The following MAP3K15 variants were observed in gnomAD, a reference collection of about 807,000 sequenced individuals.
The protein encoded by MAP3K15 is MAPK/ERK kinase kinase 15.
Under a neutral mutation model 99.5 loss-of-function variants are expected in MAP3K15, and 124 were observed. That is an observed-to-expected ratio of 1.25 (90% CI 1.08 to 1.45). The LOEUF (loss-of-function observed/expected upper bound fraction) is 1.45. Ranked by LOEUF, MAP3K15 falls within the 40% of genes most tolerant of loss-of-function variation. MAP3K15 has a pLI of 0.00. For synonymous variants in MAP3K15, 494 were observed against 439.6 expected, an observed-to-expected ratio of 1.12 and a Z score of -1.55; for missense variants, 1,242 against 1,079.7, an observed-to-expected ratio of 1.15 and a Z score of -2.11.
intron 25 of MAP3K15, among the ~76,000 whole-genome samples, chrX:19,368,278 G>A (rs773788440): frequency 8.9e-6 from 1 of 111,803 alleles, no homozygotes; most frequent in African/African-American, 3.2e-5. Flanking sequence ...AAGCAGCTAA[G>A]ATTACAGGCG....
chrX:19,429,179 A>G (rs2063858382), intron 7 of MAP3K15, among the ~76,000 whole-genome samples: 1 of 110,718 alleles, frequency 9.0e-6, no homozygotes, highest in African/African-American at 3.3e-5. Context: ...GAGAGTCTGA[A>G]TTTTTATATA....
chrX:19,366,048 T>C (rs1224978145), intron 25 of MAP3K15, among the ~76,000 whole-genome samples: 2 of 106,727 alleles, frequency 1.9e-5, no homozygotes, highest in Non-Finnish European at 3.9e-5. Flanking sequence ...AGGTAATTAT[T>C]GAAGTTGCCA....
intron 7 of MAP3K15, among the ~76,000 whole-genome samples, chrX:19,427,904 T>G (rs1424430968): frequency 2.7e-5 from 3 of 110,881 alleles, no homozygotes; most frequent in Non-Finnish European, 5.7e-5. Context: ...CCTACCTTAG[T>G]CAACAAAATT....
Position 19,442,870 on chromosome X carries a change from G to A in MAP3K15, c.996-11262C>T, listed in dbSNP as rs181654059. Among the ~76,000 whole-genome samples the A allele has an allele frequency of 4.1e-3, 426 of 104,783 alleles. 4 individuals carry two copies. Among genetic ancestry groups the A allele is most frequent in the Middle Eastern group, 9.6e-3 (2 of 208 alleles). 91.0% of individuals were successfully genotyped at this position (104,783 alleles called of 115,157 possible). A position where few individuals can be genotyped will look rare whatever the true frequency, so the allele number is the denominator to read the frequency against. ...CCCGAGTACCTGGGATTACAGGTGCGCACCACCACACCTGGGTAATTTTTT... is the reference window on the plus strand; with the variant it reads ...CCCGAGTACCTGGGATTACAGGTGCACACCACCACACCTGGGTAATTTTTT... On this transcript the variant is annotated intron_variant, in intron 6 of 28. Coordinates refer to ENST00000338883, the MANE Select transcript of MAP3K15 (RefSeq NM_001001671.4).
At chrX:19,415,388 C>G in intron 9 of MAP3K15, 131 bp from the exon 10 acceptor site, 1 of 569,905 alleles carries the variant, frequency 1.8e-6, no homozygotes, top group South Asian at 5.4e-5. Context: ...GCTTCATAAA[C>G]GACTGCTCAG....
At chrX:19,397,107 T>C (rs2063572999) in intron 15 of MAP3K15, among the ~76,000 whole-genome samples, 1 of 110,464 alleles carries the variant, frequency 9.1e-6, no homozygotes, top group Non-Finnish European at 1.9e-5. Context: ...TTTCACCATG[T>C]TCCCCAGGCT....
intron 25 of MAP3K15, among the ~76,000 whole-genome samples, chrX:19,367,296 G>A (rs1373953324): frequency 9.0e-6 from 1 of 110,866 alleles, no homozygotes; most frequent in Non-Finnish European, 1.9e-5. Flanking sequence ...GACACATAGA[G>A]GGGAACAACA....
At chrX:19,503,451 A>T (rs2064454312) in intron 1 of MAP3K15, among the ~76,000 whole-genome samples, 1 of 111,751 alleles carries the variant, frequency 8.9e-6, no homozygotes, top group Admixed American at 9.5e-5. Flanking sequence ...TTTGAGACAG[A>T]GTCTCACTCT....
chrX:19,397,949 A>G (rs990422065), intron 15 of MAP3K15, among the ~76,000 whole-genome samples: 1 of 108,959 alleles, frequency 9.2e-6, no homozygotes, highest in African/African-American at 3.4e-5. Flanking sequence ...GCATGGTGTA[A>G]TCCCAGCTAC....
intron 4 of MAP3K15, among the ~76,000 whole-genome samples, chrX:19,460,440 C>A (rs1304704746): frequency 8.9e-6 from 1 of 112,515 alleles, no homozygotes; most frequent in African/African-American, 3.2e-5. Flanking sequence ...ACCAAACCCA[C>A]TGTCTCCGGC....
chrX:19,441,716 G>A (rs184382017), intron 6 of MAP3K15, among the ~76,000 whole-genome samples: 117 of 111,964 alleles, frequency 1.0e-3, no homozygotes, highest in Non-Finnish European at 1.8e-3. Context: ...CCTTGGCCCC[G>A]CAAAGTGCTG....
rs144340909 is a variant in MAP3K15, at chrX:19,373,624, C to T, written c.2845G>A (p.Gly949Ser). The change falls in exon 21 of 29, where the codon GGC becomes AGC. Residue 949 changes from glycine (G) to serine (S), a missense_variant. Coordinates refer to ENST00000338883, the MANE Select transcript of MAP3K15 (RefSeq NM_001001671.4). ...GCGTCGGAGTCTGGGGAGACAGAGC[C>T]GTGCTCGCTGCTGCTGGTGGCCATG... ...EPMATSSSEHGSVSPDSDAQP... is the reference protein window; with the variant it reads ...EPMATSSSEHSSVSPDSDAQP... The T allele has an allele frequency of 8.6e-5, 103 of 1,194,943 alleles. No individual in the cohort carries two copies. The highest frequency in any genetic ancestry group is 1.6e-4 in the Admixed American group (7 of 43,406).
intron 1 of MAP3K15, 46 bp from the exon 2 acceptor site, chrX:19,489,013 T>C: frequency 3.6e-6 from 4 of 1,121,917 alleles, no homozygotes; most frequent in Non-Finnish European, 4.8e-6. Context: ...ATGATCTGTC[T>C]ACTTCATCTA....
intron 16 of MAP3K15, 78 bp from the exon 17 acceptor site, chrX:19,392,551 G>T: frequency 9.7e-7 from 1 of 1,031,728 alleles, no homozygotes; most frequent in Admixed American, 2.5e-5. Flanking sequence ...GTGAGGTGAG[G>T]TTTCTAACCT....
At chrX:19,501,326 G>A (rs1030248699) in intron 1 of MAP3K15, among the ~76,000 whole-genome samples, 1 of 111,815 alleles carries the variant, frequency 8.9e-6, no homozygotes, top group Non-Finnish European at 1.9e-5. Flanking sequence ...TAGAAAATAT[G>A]GACAAACCAG....
At chrX:19,468,069 G>A (rs888709149) in intron 3 of MAP3K15, among the ~76,000 whole-genome samples, 1 of 111,370 alleles carries the variant, frequency 9.0e-6, no homozygotes, top group Non-Finnish European at 1.9e-5. Flanking sequence ...CTGACCAGGA[G>A]AAAGGCAGGC....
chrX:19,397,032 T>G lies in MAP3K15; in HGVS notation c.2066+1194A>C, dbSNP rs750490062. On this transcript the variant is annotated intron_variant, in intron 15 of 28. Transcript: ENST00000338883. ...CTCGTGCCTCAGCCTCCAGAGTAGC[T>G]GGGACTACAGGTGTGCGCCACCATG... 9.1e-5 allele frequency among the ~76,000 whole-genome samples: 10 copies of G among 109,315 alleles called. No homozygotes were observed. In the East Asian group the frequency reaches 2.9e-3, roughly 31 times the overall value. The allele number at this position is 109,315 out of a possible 115,157, so 94.9% of individuals were successfully genotyped here. A position where few individuals can be genotyped will look rare whatever the true frequency, so the allele number is the denominator to read the frequency against.
Position 19,392,360 on chromosome X carries a change from C to A in MAP3K15, c.2308G>T (p.Val770Leu). The A allele has an allele frequency of 8.3e-7, 1 of 1,208,226 alleles. No individual in the cohort carries two copies. The highest frequency in any genetic ancestry group is 1.7e-5 in the African/African-American group (1 of 57,515). The change falls in exon 17 of 29, where the codon GTG becomes TTG. Residue 770 changes from valine (V) to leucine (L), a missense_variant. Transcript: ENST00000338883. Reference protein sequence around the residue: ...GLKYLHENQIVHRDIKGDNVL... With the variant: ...GLKYLHENQILHRDIKGDNVL... ...GCAAGTACCTTTATGTCTCTGTGCA[C>A]GATCTGGTTTTCATGAAGATACTTA...
intron 18 of MAP3K15, among the ~76,000 whole-genome samples, chrX:19,387,135 C>G (rs937308309): frequency 8.9e-6 from 1 of 111,802 alleles, no homozygotes; most frequent in Non-Finnish European, 1.9e-5. Context: ...GTTCCTAACC[C>G]AAAGCCTTTG....
Sources: allele counts gnomAD v4.1 joint callset (sites outside exome capture counted in the v4.1 genomes callset), GRCh38; gene constraint gnomAD v4.1.1; transcripts MANE v1.5; gene names NCBI Gene and HGNC (gene_info 2026-07-23, HGNC 2026-07-21).